Variants in ESF1 observed in about 807,000 individuals in gnomAD.
The protein encoded by ESF1 is ESF1 homolog.
ESF1 carries 58 observed loss-of-function variants against 92.0 expected under a neutral mutation model. The ratio of observed to expected loss-of-function variants is 0.63; its 90% confidence interval spans 0.51 to 0.78. The LOEUF (loss-of-function observed/expected upper bound fraction) is 0.78, where lower values mean the gene tolerates loss of function less well. Among genes scored for constraint, ESF1 ranks in the 30% least tolerant of loss-of-function variants. The pLI is 0.00. For missense variants in ESF1, 922 were observed against 989.1 expected, an observed-to-expected ratio of 0.93 and a Z score of 0.91; for synonymous variants, 321 against 313.7, an observed-to-expected ratio of 1.02 and a Z score of -0.24.
Position 13,759,826 on chromosome 20 carries a change from T to C in ESF1, c.1694A>G (p.Asp565Gly), listed in dbSNP as rs1439233716. Residue 565 changes from aspartate to glycine, a missense_variant, in exon 9 of 14, where the codon GAT becomes GGT. Transcript: ENST00000617257. ...CTTCTGACTTTTCTTTGTTTTCCCA[T>C]CTTCTTCTACATTGACTCCATCATC... ...QGDDGVNVEE[D>G]GKTKKSQKDD... 1 of 1,599,284 alleles carries C rather than the reference T, an allele frequency of 6.3e-7. No individual in the cohort carries two copies. Among genetic ancestry groups the C allele is most frequent in the South Asian group, 1.1e-5 (1 of 88,398 alleles).
At chr20:13,767,012 G>A in intron 7 of ESF1, 88 bp from the exon 8 acceptor site, 2 of 1,267,812 alleles carry the variant, frequency 1.6e-6, no homozygotes, top group Non-Finnish European at 2.2e-6. Flanking sequence ...TAACCTGGAT[G>A]TTTAACAGTA....
intron 11 of ESF1, among the ~76,000 whole-genome samples, chr20:13,727,516 G>A (rs375389868): frequency 6.6e-6 from 1 of 152,290 alleles, no homozygotes; most frequent in African/African-American, 2.4e-5. Flanking sequence ...TGCCAGCGTG[G>A]AGTTGCTCCA....
Position 13,775,760 on chromosome 20 carries a change from A to C in ESF1, c.1035+113T>G, listed in dbSNP as rs1173272133. ...CATATCAAATTTTAATCAGAATCAT[A>C]AAGAATACTATTACCAATAAGCTTT... On this transcript the variant is annotated intron_variant, in intron 3 of 13. Coordinates refer to ENST00000617257, the MANE Select transcript of ESF1 (RefSeq NM_001276380.2). 13 of 1,260,410 alleles carry C rather than the reference A, an allele frequency of 1.0e-5. No individual in the cohort carries two copies. In the South Asian group the frequency reaches 1.1e-4, roughly 10 times the overall value. The allele number at this position is 1,260,410 out of a possible 1,614,324, so 78.1% of individuals were successfully genotyped here.
chr20:13,775,525 AACC>A (rs1379964519), intron 3 of ESF1, among the ~76,000 whole-genome samples: 1 of 152,188 alleles, frequency 6.6e-6, no homozygotes, highest in East Asian at 1.9e-4. Context: ...CTGATTTTTT[AACC>A]ACCAAGTTTG....
At chr20:13,753,830 C>T (rs1485907993) in intron 9 of ESF1, among the ~76,000 whole-genome samples, 1 of 152,134 alleles carries the variant, frequency 6.6e-6, no homozygotes, top group African/African-American at 2.4e-5. Context: ...CCTGAGGTTG[C>T]AATTTTTTGA....
chr20:13,752,384 T>C (rs1978678355), intron 9 of ESF1, among the ~76,000 whole-genome samples: 1 of 152,240 alleles, frequency 6.6e-6, no homozygotes, highest in Non-Finnish European at 1.5e-5. Flanking sequence ...TGAGGCAAAC[T>C]ACAAATTCTT....
At chr20:13,773,627 A>G (rs1979788945) in intron 4 of ESF1, among the ~76,000 whole-genome samples, 1 of 152,152 alleles carries the variant, frequency 6.6e-6, no homozygotes, top group South Asian at 2.1e-4. Flanking sequence ...AACTCTTTCT[A>G]TCTATTCTGT....
chr20:13,775,890 C>T lies in ESF1; in HGVS notation c.1018G>A (p.Ala340Thr). Residue 340 changes from alanine to threonine, a missense_variant, in exon 3 of 14, where the codon GCT (alanine) becomes ACT (threonine). By Grantham distance (58) the Ala-to-Thr change is moderately conservative. Coordinates refer to ENST00000617257, the MANE Select transcript of ESF1 (RefSeq NM_001276380.2). ...EHAWRELDKD[A>T]PRADEITRRL... ...AAGGTTACCTCATCAGCACGAGGAG[C>T]ATCTTTATCTAATTCTCTCCAAGCA... The T allele has an allele frequency of 6.2e-7, 1 of 1,607,530 alleles. No individual in the cohort carries two copies. Among genetic ancestry groups the T allele is most frequent in the Non-Finnish European group, 8.5e-7 (1 of 1,177,208 alleles).
intron 8 of ESF1, among the ~76,000 whole-genome samples, chr20:13,765,565 G>A (rs1979391031): frequency 6.6e-6 from 1 of 152,042 alleles, no homozygotes; most frequent in African/African-American, 2.4e-5. Context: ...TCAGGACCAA[G>A]AAGACAAAAG....
At chr20:13,760,746 G>A (rs1430105219) in intron 8 of ESF1, among the ~76,000 whole-genome samples, 17 of 150,174 alleles carry the variant, frequency 1.1e-4, no homozygotes, top group African/African-American at 3.7e-4. Flanking sequence ...CGCCCCGTCC[G>A]GGAGGGAGGT....
chr20:13,735,652 T>C (rs955235347), intron 9 of ESF1, among the ~76,000 whole-genome samples: 3 of 152,282 alleles, frequency 2.0e-5, no homozygotes, highest in Admixed American at 2.0e-4. Flanking sequence ...AAATTTTAAA[T>C]GTACAGTGTT....
intron 4 of ESF1, 71 bp from the exon 5 acceptor site, chr20:13,772,686 C>A: frequency 9.0e-7 from 1 of 1,109,934 alleles, no homozygotes; most frequent in South Asian, 1.3e-5. Context: ...CTGTCGAAGT[C>A]AGGAACTCTA....
At position 13,766,847 on chromosome 20, in the gene ESF1, C is replaced by G. The variant is rs1317402747; in HGVS notation, c.1596G>C (p.Leu532Phe). ...CTAAGTAGGCTTGAAAATCCATGTC[C>G]AAAAGCTCTTCCTTTTTAAACTTCC... is the stretch of plus-strand genomic sequence containing the variant. Reference protein sequence around the residue: ...LNRKFKKEELLDMDFQAYLAS... With the variant: ...LNRKFKKEELFDMDFQAYLAS... The change falls in exon 8 of 14, where the codon TTG becomes TTC. Residue 532 changes from leucine (L) to phenylalanine (F), a missense_variant. Physicochemically the swap from Leu to Phe is conservative, Grantham distance 22. Transcript: ENST00000617257. 2 of 1,613,694 alleles carry G rather than the reference C, an allele frequency of 1.2e-6. No individual in the cohort carries two copies. Among genetic ancestry groups the G allele is most frequent in the Non-Finnish European group, 1.7e-6 (2 of 1,179,906 alleles).
intron 9 of ESF1, among the ~76,000 whole-genome samples, chr20:13,747,275 A>C (rs1002945798): frequency 7.1e-6 from 1 of 141,456 alleles, no homozygotes; most frequent in South Asian, 2.3e-4. Context: ...AAAAAAAAAA[A>C]CAGGGCTGGG....
rs560857169 is a variant in ESF1, at chr20:13,730,957, A to C, written c.1951-2492T>G. Among the ~76,000 whole-genome samples the C allele has an allele frequency of 4.6e-5, 7 of 152,220 alleles. No individual in the cohort carries two copies. The East Asian group carries it at 1.4e-3, about 29-fold the overall frequency. ...TTTTTAACTTGAAGAAAATTCTTGA[A>C]ACTCTTCTATATACAAAGAACCTGT... On this transcript the variant is annotated intron_variant, in intron 10 of 13. Transcript: ENST00000617257.
At chr20:13,767,052 T>C (rs1600289772) in intron 7 of ESF1, 128 bp from the exon 8 acceptor site, 1 of 796,066 alleles carries the variant, frequency 1.3e-6, no homozygotes, top group South Asian at 1.9e-5. Flanking sequence ...TTAAAACAAA[T>C]ACATGAATGA....
At chr20:13,772,769 T>C (rs955270417) in intron 4 of ESF1, among the ~76,000 whole-genome samples, 154 bp from the exon 5 acceptor site, 6 of 152,140 alleles carry the variant, frequency 3.9e-5, no homozygotes, top group Non-Finnish European at 7.4e-5. Flanking sequence ...AGCTAGAGCA[T>C]CTTGAGAAAT....
intron 9 of ESF1, among the ~76,000 whole-genome samples, chr20:13,756,962 T>C: frequency 6.6e-6 from 1 of 152,150 alleles, no homozygotes; most frequent in African/African-American, 2.4e-5. Flanking sequence ...GCTTGTTATT[T>C]GTGGGTTTGA....
chr20:13,744,530 AC>A (rs2050035518), intron 9 of ESF1, among the ~76,000 whole-genome samples: 1 of 152,094 alleles, frequency 6.6e-6, no homozygotes. Flanking sequence ...GATGTAGAAA[AC>A]CCTTTGTGAT....
Sources: gnomAD v4.1 joint callset for allele counts (sites outside exome capture counted in the v4.1 genomes callset) on GRCh38, gnomAD v4.1.1 for gene constraint, MANE v1.5 for transcripts, NCBI Gene and HGNC (gene_info 2026-07-23, HGNC 2026-07-21) for gene names.